Variants in ARSJ observed in about 807,000 individuals in gnomAD.
ARSJ encodes arylsulfatase family member J.
Under a neutral mutation model 35.9 loss-of-function variants are expected in ARSJ, and 26 were observed. That is an observed-to-expected ratio of 0.72 (90% confidence interval 0.53 to 1.00). ARSJ has a LOEUF of 1.00. Among genes scored for constraint, ARSJ ranks in the 50% least tolerant of loss-of-function variants. The pLI, the probability that ARSJ is intolerant of heterozygous loss-of-function variation, is 0.00. For synonymous variants in ARSJ, 294 were observed against 267.6 expected, an observed-to-expected ratio of 1.10 and a Z score of -0.96; for missense variants, 667 against 723.6, an observed-to-expected ratio of 0.92 and a Z score of 0.90.
intron 1 of ARSJ, among the ~76,000 whole-genome samples, chr4:113,969,625 A>G (rs531662454): frequency 1.3e-5 from 2 of 152,338 alleles, no homozygotes; most frequent in East Asian, 3.9e-4. Flanking sequence ...CTATGATTCT[A>G]TAGATGAAAA....
chr4:113,922,818 T>C lies in ARSJ; in HGVS notation c.399-19143A>G, dbSNP rs148460427. ...CATGGAACAGTGCAATTTGTTGTAC[T>C]ACATACAAAAATGTTAAATGACCTA... is the stretch of plus-strand genomic sequence containing the variant. On this transcript the variant is annotated intron_variant, in intron 1 of 1. Coordinates refer to ENST00000315366, the MANE Select transcript of ARSJ (RefSeq NM_024590.4). 5.3e-3 allele frequency among the ~76,000 whole-genome samples: 807 copies of C among 152,274 alleles called. 2 individuals are homozygous for C. Among genetic ancestry groups the C allele is most frequent in the Middle Eastern group, 0.014 (4 of 294 alleles).
Position 113,902,083 on chromosome 4 carries a change from G to T in ARSJ, c.*191C>A. ...TCTCTAAGTGTGGCTTGCAAGAGTA[G>T]CACCTTGGCACTGAGCAGGACAGTT... On this transcript the variant is annotated 3_prime_UTR_variant, in exon 2 of 2. Coordinates refer to ENST00000315366, the MANE Select transcript of ARSJ (RefSeq NM_024590.4). 5.2e-6 allele frequency: 8 copies of T among 1,547,144 alleles called. No homozygotes were observed. The highest frequency in any genetic ancestry group is 7.0e-6 in the Non-Finnish European group (8 of 1,148,216).
chr4:113,978,308 C>T (rs892090442), intron 1 of ARSJ, 129 bp downstream of exon 1: 8 of 858,368 alleles, frequency 9.3e-6, no homozygotes, highest in African/African-American at 3.4e-5. Flanking sequence ...TACCATACAT[C>T]ATTCATTCAT....
intron 1 of ARSJ, among the ~76,000 whole-genome samples, chr4:113,940,647 A>AAAAAG (rs1421509847): frequency 1.8e-4 from 27 of 146,478 alleles, no homozygotes; most frequent in African/African-American, 5.3e-4. Context: ...CTGGAACTTA[A>AAAAAG]AAAAAAAAAA....
intron 1 of ARSJ, among the ~76,000 whole-genome samples, chr4:113,974,505 G>A (rs1244429636): frequency 1.3e-5 from 2 of 151,988 alleles, no homozygotes; most frequent in Non-Finnish European, 2.9e-5. Context: ...GAGAAATTAG[G>A]CAAAATACTT....
intron 1 of ARSJ, among the ~76,000 whole-genome samples, chr4:113,940,753 G>T (rs905353688): frequency 2.6e-5 from 4 of 151,916 alleles, no homozygotes; most frequent in African/African-American, 7.2e-5. Flanking sequence ...GCTCTAAGAA[G>T]AGTTATATTA....
chr4:113,937,404 C>A (rs1346585636), intron 1 of ARSJ, among the ~76,000 whole-genome samples: 2 of 151,876 alleles, frequency 1.3e-5, no homozygotes, highest in African/African-American at 4.8e-5. Flanking sequence ...ATAATAAGAG[C>A]CATTTATGAC....
chr4:113,939,737 T>C (rs2149268825), intron 1 of ARSJ, among the ~76,000 whole-genome samples: 1 of 152,262 alleles, frequency 6.6e-6, no homozygotes, highest in African/African-American at 2.4e-5. Flanking sequence ...TCATATCCCT[T>C]GCCCACTTTT....
intron 1 of ARSJ, among the ~76,000 whole-genome samples, chr4:113,932,565 C>T (rs577211595): frequency 2.3e-4 from 35 of 152,008 alleles, no homozygotes; most frequent in Non-Finnish European, 4.6e-4. Context: ...ACCTTGGAAA[C>T]TGCACAAACA....
intron 1 of ARSJ, among the ~76,000 whole-genome samples, chr4:113,924,032 T>C (rs13137228): frequency 2.7e-4 from 1 of 3,736 alleles, no homozygotes; most frequent in Non-Finnish European, 4.7e-3. Flanking sequence ...CATATATATA[T>C]ATAAATATAT....
At chr4:113,949,796 T>C (rs1725741221) in intron 1 of ARSJ, among the ~76,000 whole-genome samples, 1 of 152,136 alleles carries the variant, frequency 6.6e-6, no homozygotes, top group South Asian at 2.1e-4. Flanking sequence ...TGAAAACTGA[T>C]GATCTCTTCA....
intron 1 of ARSJ, among the ~76,000 whole-genome samples, chr4:113,930,081 C>T (rs1724333256): frequency 6.6e-6 from 1 of 152,098 alleles, no homozygotes; most frequent in Non-Finnish European, 1.5e-5. Context: ...GAAAGAACTC[C>T]ATCCTTAATA....
chr4:113,928,023 C>T (rs546793932), intron 1 of ARSJ, among the ~76,000 whole-genome samples: 2 of 152,096 alleles, frequency 1.3e-5, no homozygotes, highest in African/African-American at 4.8e-5. Flanking sequence ...TGCATTCTGG[C>T]GCTGGGGAAA....
At chr4:113,905,619 A>C (rs1191993976) in intron 1 of ARSJ, among the ~76,000 whole-genome samples, 1 of 151,190 alleles carries the variant, frequency 6.6e-6, no homozygotes, top group Non-Finnish European at 1.5e-5. Context: ...CATAAACATC[A>C]TAAGTACCAA....
intron 1 of ARSJ, among the ~76,000 whole-genome samples, chr4:113,911,012 A>G (rs2099670278): frequency 6.6e-6 from 1 of 152,192 alleles, no homozygotes; most frequent in African/African-American, 2.4e-5. Flanking sequence ...GAATGAAAGC[A>G]GGTAGTGCAA....
intron 1 of ARSJ, among the ~76,000 whole-genome samples, chr4:113,936,526 A>G (rs193300693): frequency 6.6e-6 from 1 of 152,044 alleles, no homozygotes; most frequent in East Asian, 1.9e-4. Context: ...AAAGAAGACA[A>G]ATTTTTAACA....
At chr4:113,955,163 C>T (rs1726097827) in intron 1 of ARSJ, among the ~76,000 whole-genome samples, 1 of 151,552 alleles carries the variant, frequency 6.6e-6, no homozygotes, top group Admixed American at 6.6e-5. Context: ...AATTGAAAAC[C>T]AGAGACACTG....
chr4:113,948,768 G>A (rs1725665977), intron 1 of ARSJ, among the ~76,000 whole-genome samples: 1 of 152,106 alleles, frequency 6.6e-6, no homozygotes, highest in Non-Finnish European at 1.5e-5. Flanking sequence ...GTGACATGGA[G>A]GAGTTGGCTG....
intron 1 of ARSJ, among the ~76,000 whole-genome samples, chr4:113,962,162 C>T (rs1358441849): frequency 6.6e-6 from 1 of 152,028 alleles, no homozygotes; most frequent in Non-Finnish European, 1.5e-5. Context: ...TCATTCAACT[C>T]TGGGACAGCC....
Sources: allele counts gnomAD v4.1 joint callset (sites outside exome capture counted in the v4.1 genomes callset), GRCh38; gene constraint gnomAD v4.1.1; transcripts MANE v1.5; gene names NCBI Gene and HGNC (gene_info 2026-07-23, HGNC 2026-07-21).